SRGAP3: variants seen among roughly 807,000 people sequenced by gnomAD.
The protein encoded by SRGAP3 is SLIT-ROBO Rho GTPase activating protein 3.
In SRGAP3, 39 loss-of-function variants were observed where a neutral mutation model predicts 121.1. The observed-to-expected ratio is 0.32, with a 90% CI of 0.25 to 0.42. The LOEUF (loss-of-function observed/expected upper bound fraction) is 0.42. Ranked by LOEUF, SRGAP3 falls within the 10% of genes least tolerant of loss-of-function variation. The pLI is 1.00. For synonymous variants in SRGAP3, 601 were observed against 570.0 expected, an observed-to-expected ratio of 1.05 and a Z score of -0.77; for missense variants, 1,213 against 1,470.6, an observed-to-expected ratio of 0.82 and a Z score of 2.86.
At chr3:8,996,359 G>A (rs1341345065) in intron 18 of SRGAP3, among the ~76,000 whole-genome samples, 4 of 152,170 alleles carry the variant, frequency 2.6e-5, no homozygotes, top group African/African-American at 9.7e-5. Context: ...ATGCACCAGG[G>A]CTCCCCTCTG....
At chr3:9,138,420 G>T (rs1458183747) in intron 1 of SRGAP3, among the ~76,000 whole-genome samples, 2 of 152,196 alleles carry the variant, frequency 1.3e-5, no homozygotes, top group African/African-American at 2.4e-5. Context: ...AGTTTAGCAA[G>T]TAAGTATTCA....
At chr3:9,165,673 C>T (rs1417765143) in intron 1 of SRGAP3, among the ~76,000 whole-genome samples, 1 of 152,086 alleles carries the variant, frequency 6.6e-6, no homozygotes, top group Non-Finnish European at 1.5e-5. Context: ...ACCTCTCAAT[C>T]CTCCTCCTCC....
intron 3 of SRGAP3, among the ~76,000 whole-genome samples, chr3:9,304,788 C>A (rs1324333775): frequency 6.6e-6 from 1 of 152,154 alleles, no homozygotes; most frequent in African/African-American, 2.4e-5. Context: ...AATTTTGAGT[C>A]CCTTATTCCT....
intron 9 of SRGAP3, among the ~76,000 whole-genome samples, chr3:9,047,962 G>A (rs1322920988): frequency 6.6e-6 from 1 of 152,226 alleles, no homozygotes; most frequent in Non-Finnish European, 1.5e-5. Flanking sequence ...CTTTGAAGGA[G>A]GAGGGGCTTG....
At chr3:9,307,539 A>G (rs981339550) in intron 3 of SRGAP3, among the ~76,000 whole-genome samples, 1 of 152,244 alleles carries the variant, frequency 6.6e-6, no homozygotes, top group African/African-American at 2.4e-5. Context: ...TACTCTATTT[A>G]AAGAGAAGAT....
chr3:9,324,516 T>C (rs1279519861), intron 3 of SRGAP3, among the ~76,000 whole-genome samples: 1 of 151,932 alleles, frequency 6.6e-6, no homozygotes, highest in Non-Finnish European at 1.5e-5. Flanking sequence ...ACCTGATCTG[T>C]TCTAGGATCT....
At chr3:9,272,178 G>C (rs951072761) in intron 3 of SRGAP3, among the ~76,000 whole-genome samples, 2 of 152,214 alleles carry the variant, frequency 1.3e-5, no homozygotes, top group East Asian at 1.9e-4. Flanking sequence ...AGAAAATGTT[G>C]TCAGTCGTTA....
chr3:9,047,579 C>T (rs371160743), intron 9 of SRGAP3, 104 bp from the exon 10 acceptor site: 24 of 1,109,594 alleles, frequency 2.2e-5, no homozygotes, highest in Middle Eastern at 1.9e-4. Flanking sequence ...ACAGAGATCA[C>T]GTCACCCGCA....
At chr3:9,358,720 G>A (rs943921256) in intron 1 of SRGAP3, among the ~76,000 whole-genome samples, 2 of 152,190 alleles carry the variant, frequency 1.3e-5, no homozygotes, top group Admixed American at 6.5e-5. Flanking sequence ...GGGTTTCCAT[G>A]ACCCCCTCTT....
chr3:9,349,908 G>A (rs541701149), intron 1 of SRGAP3: 6 of 152,068 alleles, frequency 3.9e-5, no homozygotes, highest in African/African-American at 1.4e-4. Context: ...ACCTTGTTTC[G>A]TGACAATGAA....
chr3:9,002,534 GA>G lies in SRGAP3; in HGVS notation c.2227+7773del, dbSNP rs1046516744. Among the ~76,000 whole-genome samples, 10 of 151,594 alleles carry G rather than the reference GA, an allele frequency of 6.6e-5. No individual in the cohort carries two copies. The East Asian group carries it at 1.9e-3, about 29-fold the overall frequency. On this transcript the variant is annotated intron_variant, in intron 18 of 21. Transcript: ENST00000383836. ...CCTAAACTTCCACCTTAAGACACTG[GA>G]AAAAAAAGTGCAAACTAAACCTAGA...
chr3:9,287,011 GGA>G (rs1954789327), intron 3 of SRGAP3, among the ~76,000 whole-genome samples: 3 of 117,302 alleles, frequency 2.6e-5, no homozygotes, highest in Middle Eastern at 7.0e-3. Context: ...TTTTTTTTTG[GGA>G]CAGGGTCTAG....
At chr3:9,164,198 T>G (rs1223678614) in intron 1 of SRGAP3, among the ~76,000 whole-genome samples, 1 of 151,628 alleles carries the variant, frequency 6.6e-6, no homozygotes, top group Admixed American at 6.6e-5. Flanking sequence ...GGTTTCTCCA[T>G]GTTGGTCAGG....
chr3:9,248,848 G>T (rs1002745398), intron 1 of SRGAP3, 37 bp downstream of exon 1: 14 of 1,605,696 alleles, frequency 8.7e-6, no homozygotes, highest in African/African-American at 1.3e-5. Flanking sequence ...AAAACGAAAG[G>T]GGAGGAGAAG....
Position 9,122,704 on chromosome 3 carries a change from G to A in SRGAP3, c.260+2021C>T, listed in dbSNP as rs547157845. Reference sequence around the variant, plus strand: ...AGCCTGGGTGGCAGAGCAAGACTCCGTCTCAAAAAAAAAAAAAAAAAAGGG... The same window carrying A: ...AGCCTGGGTGGCAGAGCAAGACTCCATCTCAAAAAAAAAAAAAAAAAAGGG... On this transcript the variant is annotated intron_variant, in intron 2 of 21. Transcript: ENST00000383836. Among the ~76,000 whole-genome samples the A allele has an allele frequency of 5.9e-5, 8 of 135,442 alleles. No individual in the cohort carries two copies. The South Asian group carries it at 9.8e-4, about 17-fold the overall frequency. 88.9% of individuals were successfully genotyped at this position (135,442 alleles called of 152,430 possible).
intron 14 of SRGAP3, among the ~76,000 whole-genome samples, chr3:9,017,620 G>C (rs1049257741): frequency 2.0e-5 from 3 of 152,172 alleles, no homozygotes; most frequent in African/African-American, 7.2e-5. Context: ...TTGCAAATGG[G>C]TACAAGATTC....
In SRGAP3 at chr3:8,980,663, C is replaced by T. The variant is rs529689889; in HGVS notation, c.*4856G>A. 4 of 231,286 alleles carry T rather than the reference C, an allele frequency of 1.7e-5. No homozygotes were observed. Among genetic ancestry groups the T allele is most frequent in the Non-Finnish European group, 3.4e-5 (4 of 116,680 alleles). The allele number at this position is 231,286 out of a possible 1,614,324, so 14.3% of individuals were successfully genotyped here. A position where few individuals can be genotyped will look rare whatever the true frequency, so the allele number is the denominator to read the frequency against. On this transcript the variant is annotated 3_prime_UTR_variant, in exon 22 of 22. Coordinates refer to ENST00000383836, the MANE Select transcript of SRGAP3 (RefSeq NM_014850.4). ...AACCAGCAGGCACCATCAGAATACG[C>T]GACAGAGGATCCAATCAGACACTCT...
chr3:9,331,989 T>C (rs568141863), intron 1 of SRGAP3, among the ~76,000 whole-genome samples: 5 of 152,308 alleles, frequency 3.3e-5, no homozygotes, highest in Admixed American at 2.0e-4. Flanking sequence ...TATAGAGCAA[T>C]AGCTAACTGA....
intron 3 of SRGAP3, among the ~76,000 whole-genome samples, chr3:9,319,263 C>A (rs941168041): frequency 6.6e-6 from 1 of 152,000 alleles, no homozygotes; most frequent in South Asian, 2.1e-4. Flanking sequence ...GAATTCAAGG[C>A]TCATTCCTTT....
Sources: allele counts gnomAD v4.1 joint callset (sites outside exome capture counted in the v4.1 genomes callset), GRCh38; gene constraint gnomAD v4.1.1; transcripts MANE v1.5; gene names NCBI Gene and HGNC (gene_info 2026-07-23, HGNC 2026-07-21).